Variants in MPP3 observed in about 807,000 individuals in gnomAD.
MPP3 encodes MAGUK p55 scaffold protein 3, also known as MAGUK p55 subfamily member 3.
MPP3 carries 48 observed loss-of-function variants against 80.7 expected under a neutral mutation model. That is an observed-to-expected ratio of 0.59 (90% CI 0.47 to 0.76). The LOEUF (loss-of-function observed/expected upper bound fraction) is 0.76. MPP3 is among the 30% of genes least tolerant of loss of function. The probability of loss-of-function intolerance (pLI) is 0.00; values close to 1 mark genes in which losing one functional copy is unlikely to be tolerated. For missense variants in MPP3, 620 were observed against 763.0 expected, an observed-to-expected ratio of 0.81 and a Z score of 2.21; for synonymous variants, 311 against 297.6, an observed-to-expected ratio of 1.04 and a Z score of -0.46.
At chr17:43,829,861 G>C in intron 6 of MPP3, 70 bp from the exon 7 acceptor site, 2 of 1,604,154 alleles carry the variant, frequency 1.2e-6, no homozygotes, top group Non-Finnish European at 1.7e-6. Flanking sequence ...CAGCTGGCCG[G>C]TGGTATGGAG....
chr17:43,807,336 G>C (rs560829402), intron 19 of MPP3, among the ~76,000 whole-genome samples: 140 of 149,624 alleles, frequency 9.4e-4, no homozygotes, highest in African/African-American at 3.3e-3. Context: ...TTTTGAGACA[G>C]AGTCTCACTG....
At chr17:43,830,153 GC>G in intron 5 of MPP3, 46 bp from the exon 6 acceptor site, 1 of 1,388,732 alleles carries the variant, frequency 7.2e-7, no homozygotes. Flanking sequence ...AGGTGCCCCT[GC>G]CCCATATCTG....
intron 10 of MPP3, among the ~76,000 whole-genome samples, chr17:43,821,443 G>A (rs1318495491): frequency 6.6e-6 from 1 of 152,176 alleles, no homozygotes; most frequent in African/African-American, 2.4e-5. Flanking sequence ...TTTTTGATAC[G>A]CCAACTGCGC....
At chr17:43,830,825 T>C (rs566297171) in intron 5 of MPP3, among the ~76,000 whole-genome samples, 7 of 152,308 alleles carry the variant, frequency 4.6e-5, no homozygotes, top group Non-Finnish European at 1.0e-4. Context: ...CTTTAAAAAA[T>C]GAGAAGCCTG....
rs759113477 is a variant in MPP3 at position 43,811,150 on chromosome 17, C to A, written c.1311G>T (p.Val437=). ...AGTCGGCCTCAAATGCTTGCTTAGA[C>A]ACAAAGTGATATTCCACTCCTTCCT... ...HEKEGVEYHF[V]SKQAFEADLH... is the part of the protein sequence containing the mutation. Residue 437 remains valine, a synonymous_variant, in exon 17 of 20, where the codon GTG becomes GTT. Coordinates refer to ENST00000398389, the MANE Select transcript of MPP3 (RefSeq NM_001932.6). The A allele has an allele frequency of 6.2e-7, 1 of 1,614,224 alleles. No homozygotes were observed. The highest frequency in any genetic ancestry group is 2.2e-5 in the East Asian group (1 of 44,882).
At chr17:43,832,131 C>T (rs1598376349) in intron 2 of MPP3, 188 bp from the exon 3 acceptor site, 1 of 588,548 alleles carries the variant, frequency 1.7e-6, no homozygotes, top group East Asian at 3.0e-5. Flanking sequence ...CCTCGATGTG[C>T]CAAGCATTGT....
At chr17:43,807,071 A>C (rs1307180501) in intron 19 of MPP3, among the ~76,000 whole-genome samples, 1 of 151,674 alleles carries the variant, frequency 6.6e-6, no homozygotes, top group Non-Finnish European at 1.5e-5. Flanking sequence ...TCCTGGGTTC[A>C]AGTGTTTCTC....
Position 43,814,110 on chromosome 17 carries a change from G to A in MPP3, c.1175-19C>T, listed in dbSNP as rs763934834. The stretch of plus-strand genomic sequence containing the variant: ...AGAGACCCTGGGAAACAAGAAGAAG[G>A]CTGACCAGGGTCCCTGCTGAGCTCC... On this transcript the variant is annotated intron_variant, in intron 15 of 19. Coordinates refer to ENST00000398389, the MANE Select transcript of MPP3 (RefSeq NM_001932.6). The A allele has an allele frequency of 6.2e-7, 1 of 1,607,522 alleles. No individual in the cohort carries two copies. Among genetic ancestry groups the A allele is most frequent in the South Asian group, 1.1e-5 (1 of 90,480 alleles).
At position 43,814,022 on chromosome 17, in the gene MPP3, A is replaced by G; in HGVS notation, c.1244T>C (p.Val415Ala). ...VVAENPQHFG[V>A]AVPHTTRPRK... ...ATGGGCCCTCTTACGTGGAACAGCG[A>G]CGCCAAAGTGCTGTGGGTTCTCAGC... is the stretch of plus-strand genomic sequence containing the variant. Residue 415 changes from valine (V) to alanine (A), a missense_variant, in exon 16 of 20, where the codon GTC (valine) becomes GCC (alanine). By Grantham distance (64) the Val-to-Ala change is moderately conservative. Transcript: ENST00000398389. 6.2e-7 allele frequency: 1 copy of G among 1,612,728 alleles called. No individual in the cohort carries two copies. Among genetic ancestry groups the G allele is most frequent in the Non-Finnish European group, 8.5e-7 (1 of 1,179,166 alleles).
At chr17:43,830,146 T>C in intron 5 of MPP3, 39 bp from the exon 6 acceptor site, 1 of 1,419,266 alleles carries the variant, frequency 7.0e-7, no homozygotes, top group Non-Finnish European at 9.5e-7. Context: ...TGGCTAGAGG[T>C]GCCCCTGCCC....
chr17:43,817,111 T>C (rs1260131743), intron 12 of MPP3, among the ~76,000 whole-genome samples: 3 of 152,062 alleles, frequency 2.0e-5, no homozygotes, highest in African/African-American at 7.2e-5. Flanking sequence ...TGGAGCGGGG[T>C]GGAGCAGAGC....
Position 43,821,897 on chromosome 17 carries a change from T to C in MPP3, c.685-839A>G, listed in dbSNP as rs538134065. Among the ~76,000 whole-genome samples, 17 of 152,316 alleles carry C rather than the reference T, an allele frequency of 1.1e-4. No individual in the cohort carries two copies. In the South Asian group the frequency reaches 3.5e-3, roughly 32 times the overall value. On this transcript the variant is annotated intron_variant, in intron 10 of 19. Coordinates refer to ENST00000398389, the MANE Select transcript of MPP3 (RefSeq NM_001932.6). ...GGACAACAGTAAGAACTTTCTGGCA[T>C]ATGTTGTGGGGACAGATGCCCTTAA...
At chr17:43,831,723 C>A (rs376793382) in intron 3 of MPP3, 46 bp from the exon 4 acceptor site, 1 of 1,523,618 alleles carries the variant, frequency 6.6e-7, no homozygotes, top group Non-Finnish European at 9.0e-7. Flanking sequence ...GCAGTGGGTG[C>A]TCCCTGCCCC....
intron 12 of MPP3, 139 bp downstream of exon 12, chr17:43,817,907 T>G: frequency 2.7e-5 from 4 of 147,382 alleles, no homozygotes; most frequent in Non-Finnish European, 2.9e-5. Flanking sequence ...TCCCACCCCC[T>G]CCTTCCTCTG....
chr17:43,819,699 T>A (rs1447922776), intron 11 of MPP3, among the ~76,000 whole-genome samples: 1 of 151,858 alleles, frequency 6.6e-6, no homozygotes, highest in African/African-American at 2.4e-5. Flanking sequence ...CGCCTAGGAA[T>A]GAATGGCACA....
chr17:43,810,995 T>C (rs1240004507), intron 17 of MPP3, 80 bp from the exon 18 acceptor site: 4 of 1,424,130 alleles, frequency 2.8e-6, no homozygotes, highest in South Asian at 2.4e-5. Flanking sequence ...CCTCCCAACA[T>C]GACTTCTCTC....
chr17:43,815,961 C>A, intron 14 of MPP3, 77 bp downstream of exon 14: 1 of 1,321,926 alleles, frequency 7.6e-7, no homozygotes, highest in South Asian at 1.5e-5. Flanking sequence ...TCAGATCACC[C>A]TGCTTTGACC....
At chr17:43,823,799 C>G (rs1232446524) in intron 10 of MPP3, 132 bp downstream of exon 10, 18 of 645,246 alleles carry the variant, frequency 2.8e-5, no homozygotes, top group Non-Finnish European at 4.3e-5. Context: ...CCACTGGGCA[C>G]AGATTACTAG....
At chr17:43,825,934 G>T in intron 8 of MPP3, 93 bp from the exon 9 acceptor site, 1 of 782,478 alleles carries the variant, frequency 1.3e-6, no homozygotes. Context: ...GGCCTGAGAA[G>T]CCCACTGCAG....
Sources: allele counts gnomAD v4.1 joint callset (sites outside exome capture counted in the v4.1 genomes callset), GRCh38; gene constraint gnomAD v4.1.1; transcripts MANE v1.5; gene names NCBI Gene and HGNC (gene_info 2026-07-23, HGNC 2026-07-21).